CNTN6: variants seen among roughly 807,000 people sequenced by gnomAD.
The protein encoded by CNTN6 is contactin 6.
In CNTN6, 137 loss-of-function variants were observed where a neutral mutation model predicts 122.8. That is an observed-to-expected ratio of 1.12 (90% CI 0.97 to 1.29). CNTN6 has a LOEUF of 1.29. Ranked by LOEUF, CNTN6 falls within the 50% of genes most tolerant of loss-of-function variation. CNTN6 has a pLI of 0.00. For missense variants in CNTN6, 1,634 were observed against 1,223.4 expected, an observed-to-expected ratio of 1.34 and a Z score of -5.01; for synonymous variants, 570 against 426.0, an observed-to-expected ratio of 1.34 and a Z score of -4.16.
chr3:1,364,703 A>C (rs190217578), intron 12 of CNTN6, among the ~76,000 whole-genome samples: 1 of 151,986 alleles, frequency 6.6e-6, no homozygotes, highest in African/African-American at 2.4e-5. Context: ...TGGTCCTGAC[A>C]TAAGTTTTGA....
chr3:1,392,768 A>G (rs1694359438), intron 20 of CNTN6, among the ~76,000 whole-genome samples: 1 of 142,262 alleles, frequency 7.0e-6, no homozygotes, highest in African/African-American at 2.6e-5. Context: ...ACACTTCTCA[A>G]AAGAAGACAT....
At chr3:1,226,838 T>C (rs1160800239) in intron 3 of CNTN6, among the ~76,000 whole-genome samples, 1 of 152,238 alleles carries the variant, frequency 6.6e-6, no homozygotes, top group Non-Finnish European at 1.5e-5. Context: ...TGAGAAAAGA[T>C]ATTTTTCTAC....
At chr3:1,127,087 G>A (rs940946230) in intron 1 of CNTN6, among the ~76,000 whole-genome samples, 2 of 151,230 alleles carry the variant, frequency 1.3e-5, no homozygotes, top group Admixed American at 1.3e-4. Context: ...TATTTTATAT[G>A]TGCTATATAT....
At chr3:1,365,504 G>T (rs1708086498) in intron 12 of CNTN6, among the ~76,000 whole-genome samples, 1 of 151,832 alleles carries the variant, frequency 6.6e-6, no homozygotes, top group Admixed American at 6.6e-5. Flanking sequence ...CTTCAATCAT[G>T]AAAGCAACAT....
chr3:1,163,755 A>C (rs1225359888), intron 2 of CNTN6, among the ~76,000 whole-genome samples: 1 of 152,196 alleles, frequency 6.6e-6, no homozygotes, highest in Admixed American at 6.5e-5. Context: ...CAATGCGGTC[A>C]ATCAGTTAAT....
intron 4 of CNTN6, among the ~76,000 whole-genome samples, chr3:1,266,811 G>A (rs767042049): frequency 6.6e-6 from 1 of 152,038 alleles, no homozygotes; most frequent in Non-Finnish European, 1.5e-5. Context: ...TTCTTGGAAG[G>A]GCACAGGTGC....
intron 12 of CNTN6, among the ~76,000 whole-genome samples, chr3:1,367,850 C>A (rs898814470): frequency 6.6e-6 from 1 of 152,062 alleles, no homozygotes; most frequent in Non-Finnish European, 1.5e-5. Context: ...GCAAAGGCTG[C>A]AGGAAGCGAC....
At chr3:1,245,295 C>CATATAT (rs71056326) in intron 4 of CNTN6, among the ~76,000 whole-genome samples, 15 of 3,788 alleles carry the variant, frequency 4.0e-3, no homozygotes, top group African/African-American at 8.8e-3. Context: ...ATATATATAA[C>CATATAT]ATATATATAT....
intron 1 of CNTN6, among the ~76,000 whole-genome samples, chr3:1,122,301 T>C (rs892510954): frequency 1.3e-4 from 12 of 92,656 alleles, no homozygotes; most frequent in Admixed American, 5.8e-4. Context: ...AAGAGAGAAA[T>C]AAATAAAGGA....
chr3:1,356,524 C>T (rs570763215), intron 12 of CNTN6, among the ~76,000 whole-genome samples: 261 of 151,850 alleles, frequency 1.7e-3, no homozygotes, highest in African/African-American at 5.9e-3. Context: ...GGCTTCGTGG[C>T]TCTAGAAGGC....
intron 17 of CNTN6, among the ~76,000 whole-genome samples, chr3:1,382,046 G>A (rs1486595274): frequency 2.0e-5 from 3 of 151,856 alleles, no homozygotes; most frequent in Non-Finnish European, 4.4e-5. Context: ...TGGACATGAG[G>A]GACTAGAAGC....
rs1559595591 is a variant in CNTN6 at position 1,245,228 on chromosome 3, AT to A, written c.358+17236del. 5.4e-4 allele frequency among the ~76,000 whole-genome samples: 9 copies of A among 16,728 alleles called. 1 individual carries two copies. Among genetic ancestry groups the A allele is most frequent in the African/African-American group, 1.1e-3 (4 of 3,566 alleles). 11.0% of individuals were successfully genotyped at this position (16,728 alleles called of 152,430 possible). On this transcript the variant is annotated intron_variant, in intron 4 of 22. Coordinates refer to ENST00000446702, the MANE Select transcript of CNTN6 (RefSeq NM_001289080.2). Reference sequence around the variant, plus strand: ...TATATATATATATATATATATATATATATATATACACACACACATATATATA... The same window carrying A: ...TATATATATATATATATATATATATAATATATACACACACACATATATATA...
chr3:1,277,346 C>CTTTTTTTTTTTTTTTTTTTTTT lies in CNTN6; in HGVS notation c.359-1057_359-1036dup, dbSNP rs10599744. Reference sequence around the variant, plus strand: ...CTACTTCTGTCTTTTAGTAGGTTTTCTTTTTTTTTTTTTTTTTTTTTTTTT... The same window carrying CTTTTTTTTTTTTTTTTTTTTTT: ...CTACTTCTGTCTTTTAGTAGGTTTTCTTTTTTTTTTTTTTTTTTTTTTTTTTTTTTTTTTTTTTTTTTTTTTT... On this transcript the variant is annotated intron_variant, in intron 4 of 22. Coordinates refer to ENST00000446702, the MANE Select transcript of CNTN6 (RefSeq NM_001289080.2). Among the ~76,000 whole-genome samples the CTTTTTTTTTTTTTTTTTTTTTT allele has an allele frequency of 3.4e-4, 27 of 80,188 alleles. 2 individuals carry two copies. The highest frequency in any genetic ancestry group is 2.2e-3 in the East Asian group (6 of 2,678). The allele number at this position is 80,188 out of a possible 152,430, so 52.6% of individuals were successfully genotyped here.
At chr3:1,144,357 C>T (rs1371261200) in intron 1 of CNTN6, among the ~76,000 whole-genome samples, 3 of 152,072 alleles carry the variant, frequency 2.0e-5, no homozygotes, top group Non-Finnish European at 2.9e-5. Context: ...GGACGGATCA[C>T]TGGACATCAG....
At position 1,385,680 on chromosome 3, in the gene CNTN6, A is replaced by G. The variant is rs370319586; in HGVS notation, c.2587A>G (p.Thr863Ala). 5.7e-5 allele frequency: 92 copies of G among 1,614,002 alleles called. No individual in the cohort carries two copies. The highest frequency in any genetic ancestry group is 4.0e-4 in the Admixed American group (24 of 60,000). The change falls in exon 20 of 23, where the codon ACC (threonine) becomes GCC (alanine). Residue 863 changes from threonine (T) to alanine (A), a missense_variant. Thr to Ala is a moderately conservative substitution (Grantham distance 58). Coordinates refer to ENST00000446702, the MANE Select transcript of CNTN6 (RefSeq NM_001289080.2). ...AATTAGAGTCAGTGGAAATGTCACA[A>G]CCAAAAACATCACGGGGCTGAAAGC... Reference protein sequence around the residue: ...GKIRVSGNVTTKNITGLKANT... With the variant: ...GKIRVSGNVTAKNITGLKANT...
rs879298317 is a variant in CNTN6, at chr3:1,111,995, A to G, written c.-83+18875A>G. On this transcript the variant is annotated intron_variant, in intron 1 of 22. Transcript: ENST00000446702. Reference sequence around the variant, plus strand: ...TTTGAGCCAAAATACTTAAAAATGGAACTATTATGTAGTTATTTTGCCCTA... The same window carrying G: ...TTTGAGCCAAAATACTTAAAAATGGGACTATTATGTAGTTATTTTGCCCTA... 1.1e-4 allele frequency among the ~76,000 whole-genome samples: 17 copies of G among 152,312 alleles called. 1 individual carries two copies. In the Middle Eastern group the frequency reaches 0.01, roughly 91 times the overall value.
intron 1 of CNTN6, among the ~76,000 whole-genome samples, chr3:1,108,633 G>A (rs2091338796): frequency 6.6e-6 from 1 of 152,038 alleles, no homozygotes; most frequent in Admixed American, 6.6e-5. Context: ...CATGTTTGGT[G>A]TAAAAAGTGC....
At chr3:1,378,422 A>G (rs1710193461) in intron 17 of CNTN6, among the ~76,000 whole-genome samples, 1 of 152,170 alleles carries the variant, frequency 6.6e-6, no homozygotes, top group Non-Finnish European at 1.5e-5. Flanking sequence ...CTTTATGGTT[A>G]TAAATGACAG....
chr3:1,141,889 C>T (rs1396620726), intron 1 of CNTN6, among the ~76,000 whole-genome samples: 1 of 152,134 alleles, frequency 6.6e-6, no homozygotes, highest in African/African-American at 2.4e-5. Context: ...GCTATGCATG[C>T]ACATCTACTC....
Sources: allele counts gnomAD v4.1 joint callset (sites outside exome capture counted in the v4.1 genomes callset), GRCh38; gene constraint gnomAD v4.1.1; transcripts MANE v1.5; gene names NCBI Gene and HGNC (gene_info 2026-07-23, HGNC 2026-07-21).